Variants in ASIC2 observed in about 807,000 individuals in gnomAD.
ASIC2 encodes acid-sensing ion channel 2.
A neutral mutation model predicts 57.3 loss-of-function variants in ASIC2; 25 were observed. The observed-to-expected ratio is 0.44, with a 90% CI of 0.32 to 0.61. The LOEUF (loss-of-function observed/expected upper bound fraction) is 0.61, where lower values mean the gene tolerates loss of function less well. Among genes scored for constraint, ASIC2 ranks in the 20% least tolerant of loss-of-function variants. The probability of loss-of-function intolerance (pLI) is 0.06; values close to 1 mark genes in which losing one functional copy is unlikely to be tolerated. For missense variants in ASIC2, 641 were observed against 738.1 expected (o/e 0.87, Z 1.52); for synonymous variants, 319 against 307.5 (o/e 1.04, Z -0.39).
intron 1 of ASIC2, among the ~76,000 whole-genome samples, chr17:34,111,708 G>A (rs1007463795): frequency 1.3e-5 from 2 of 152,106 alleles, no homozygotes; most frequent in African/African-American, 2.4e-5. Context: ...TTCCAATCCC[G>A]TTTCTTCTCC....
intron 1 of ASIC2, among the ~76,000 whole-genome samples, chr17:33,659,864 T>G (rs569445432): frequency 7.2e-6 from 1 of 139,122 alleles, no homozygotes; most frequent in African/African-American, 2.7e-5. Flanking sequence ...AGAGCGAGAC[T>G]CTGTCTCAAA....
At chr17:33,197,750 G>A (rs902205490) in intron 1 of ASIC2, among the ~76,000 whole-genome samples, 3 of 152,194 alleles carry the variant, frequency 2.0e-5, no homozygotes, top group African/African-American at 7.2e-5. Context: ...TGTGGGTCAG[G>A]GACCCCTCTC....
intron 1 of ASIC2, among the ~76,000 whole-genome samples, chr17:33,430,922 T>C (rs938742144): frequency 5.3e-5 from 8 of 152,056 alleles, no homozygotes; most frequent in African/African-American, 1.7e-4. Context: ...TAAAGCACAC[T>C]GGGTAATGAG....
intron 1 of ASIC2, among the ~76,000 whole-genome samples, chr17:33,733,147 C>T (rs1475315657): frequency 2.0e-5 from 3 of 152,128 alleles, no homozygotes; most frequent in Admixed American, 2.0e-4. Flanking sequence ...ATTATTGGCC[C>T]TAACCCTGTC....
intron 1 of ASIC2, among the ~76,000 whole-genome samples, chr17:33,459,437 C>A (rs1041674139): frequency 6.6e-6 from 1 of 152,104 alleles, no homozygotes; most frequent in Non-Finnish European, 1.5e-5. Context: ...AAAAATGAAA[C>A]CACACACATC....
At position 33,914,648 on chromosome 17, in the gene ASIC2, G is replaced by A. The variant is rs139001571; in HGVS notation, c.555+241330C>T. 1.6e-3 allele frequency among the ~76,000 whole-genome samples: 248 copies of A among 152,288 alleles called. 1 individual carries two copies. Among genetic ancestry groups the A allele is most frequent in the South Asian group, 6.4e-3 (31 of 4,828 alleles). ...TGGCACATAAAGAAGTTGAGGACAC[G>A]CAGTGTTGTAGGGACCTGCTCAAGG... is the stretch of plus-strand genomic sequence containing the variant. On this transcript the variant is annotated intron_variant, in intron 1 of 9. Transcript: ENST00000359872.
At chr17:34,075,037 G>A (rs754077832) in intron 1 of ASIC2, among the ~76,000 whole-genome samples, 20 of 151,996 alleles carry the variant, frequency 1.3e-4, no homozygotes, top group South Asian at 4.1e-4. Context: ...TGCCCACCTC[G>A]GTCTCCCAAA....
chr17:33,292,994 C>T lies in ASIC2; in HGVS notation c.-879G>A. 8.1e-6 allele frequency: 8 copies of T among 985,552 alleles called. No homozygotes were observed. Among genetic ancestry groups the T allele is most frequent in the Non-Finnish European group, 7.2e-6 (6 of 830,002 alleles). 61.1% of individuals were successfully genotyped at this position (985,552 alleles called of 1,614,324 possible). A position where few individuals can be genotyped will look rare whatever the true frequency, so the allele number is the denominator to read the frequency against. ...CGCCTCGGCTCTCCCAGGTGCCTCG[C>T]GTCTCCAGAAAAGCCCAGCCTTGCT... On this transcript the variant is annotated 5_prime_UTR_variant, in exon 1 of 10. Transcript: ENST00000225823.
intron 1 of ASIC2, among the ~76,000 whole-genome samples, chr17:33,986,190 A>C (rs1905811318): frequency 6.6e-6 from 1 of 151,740 alleles, no homozygotes; most frequent in Non-Finnish European, 1.5e-5. Flanking sequence ...TGTAAGCTCC[A>C]TGAGAACAGG....
chr17:33,825,143 A>G (rs1912868439), intron 1 of ASIC2, among the ~76,000 whole-genome samples: 1 of 152,082 alleles, frequency 6.6e-6, no homozygotes, highest in South Asian at 2.1e-4. Flanking sequence ...CATGTCTTCT[A>G]TTTTTTGTCA....
chr17:33,364,692 C>T (rs894625038), intron 1 of ASIC2, among the ~76,000 whole-genome samples: 16 of 152,204 alleles, frequency 1.1e-4, no homozygotes, highest in African/African-American at 3.9e-4. Flanking sequence ...GCTTCCAGTA[C>T]AGCCTGTGGA....
chr17:33,735,110 C>T (rs1411132722), intron 1 of ASIC2, among the ~76,000 whole-genome samples: 1 of 152,158 alleles, frequency 6.6e-6, no homozygotes, highest in Non-Finnish European at 1.5e-5. Context: ...GTTTCTGTGA[C>T]TGTCATATCT....
At chr17:33,613,347 T>C (rs1263140648) in intron 1 of ASIC2, among the ~76,000 whole-genome samples, 1 of 151,658 alleles carries the variant, frequency 6.6e-6, no homozygotes, top group African/African-American at 2.4e-5. Context: ...TGCATTTTCT[T>C]TGGGGAAAAA....
chr17:33,785,103 T>TA (rs554275022), intron 1 of ASIC2, among the ~76,000 whole-genome samples: 57 of 148,930 alleles, frequency 3.8e-4, no homozygotes, highest in African/African-American at 1.1e-3. Flanking sequence ...TAATCAAGGT[T>TA]AAAAAAAAAA....
intron 1 of ASIC2, chr17:34,071,602 G>C (rs1909406545): frequency 6.6e-6 from 1 of 152,262 alleles, no homozygotes; most frequent in African/African-American, 2.4e-5. Flanking sequence ...GGCCAAGGCA[G>C]GTGGATCACT....
chr17:33,365,681 C>A (rs1908781389), intron 1 of ASIC2, among the ~76,000 whole-genome samples: 3 of 152,002 alleles, frequency 2.0e-5, no homozygotes. Context: ...TTCTTCCTGG[C>A]CATTAGCTAT....
chr17:33,679,279 C>G (rs901292670), intron 1 of ASIC2, among the ~76,000 whole-genome samples: 2 of 152,188 alleles, frequency 1.3e-5, no homozygotes, highest in African/African-American at 4.8e-5. Context: ...CTCTTGCCCC[C>G]ACCTAGTGTT....
Position 33,965,297 on chromosome 17 carries a change from T to C in ASIC2, c.555+190681A>G, listed in dbSNP as rs36102840. ...TAGGATTTATATTGAATACTGCTGA[T>C]TCTAAAGCTCCTGCCCTTTATATTC... is the stretch of plus-strand genomic sequence containing the variant. On this transcript the variant is annotated intron_variant, in intron 1 of 9. Transcript: ENST00000359872. Among the ~76,000 whole-genome samples the C allele has an allele frequency of 7.5e-3, 1,136 of 152,314 alleles. 19 individuals carry two copies. The highest frequency in any genetic ancestry group is 0.026 in the African/African-American group (1,085 of 41,560).
In ASIC2 at chr17:33,396,697, A is replaced by G. The variant is rs896465172; in HGVS notation, c.556-284630T>C. 2.0e-5 allele frequency among the ~76,000 whole-genome samples: 3 copies of G among 152,204 alleles called. No homozygotes were observed. In the East Asian group the frequency reaches 5.8e-4, roughly 29 times the overall value. On this transcript the variant is annotated intron_variant, in intron 1 of 9. Transcript: ENST00000359872. ...CATTTGAGGCTAAGGTAGAGGACTG[A>G]TAGCATTTCTCATCATGGGGACATA...
Sources: allele counts gnomAD v4.1 joint callset (sites outside exome capture counted in the v4.1 genomes callset), GRCh38; gene constraint gnomAD v4.1.1; transcripts MANE v1.5; gene names NCBI Gene and HGNC (gene_info 2026-07-23, HGNC 2026-07-21).